The following PRR5L variants were observed in gnomAD, a reference collection of about 807,000 sequenced individuals.
PRR5L encodes proline rich 5 like.
PRR5L carries 21 observed loss-of-function variants against 36.4 expected under a neutral mutation model. The observed-to-expected ratio is 0.58, with a 90% CI of 0.41 to 0.83. PRR5L has a LOEUF of 0.83. PRR5L is among the 40% of genes least tolerant of loss of function. The pLI is 0.00. For synonymous variants in PRR5L, 188 were observed against 197.0 expected, an observed-to-expected ratio of 0.95 and a Z score of 0.38; for missense variants, 381 against 473.3, an observed-to-expected ratio of 0.80 and a Z score of 1.81.
chr11:36,301,442 G>A (rs937763937), intron 1 of PRR5L, among the ~76,000 whole-genome samples: 1 of 152,206 alleles, frequency 6.6e-6, no homozygotes, highest in Admixed American at 6.5e-5. Flanking sequence ...TGGGAATGGG[G>A]AGGGGTTAAG....
At chr11:36,418,688 C>T (rs940284974) in intron 3 of PRR5L, among the ~76,000 whole-genome samples, 3 of 151,826 alleles carry the variant, frequency 2.0e-5, no homozygotes, top group South Asian at 2.1e-4. Context: ...CCCAGCTACT[C>T]GGGAGGCTGA....
Position 36,451,348 on chromosome 11 carries a change from GCT to G in PRR5L, c.712+17_712+18del, listed in dbSNP as rs1223733749. On this transcript the variant is annotated intron_variant, in intron 8 of 8. Coordinates refer to ENST00000530639, the MANE Select transcript of PRR5L (RefSeq NM_001160167.2). ...ACGTACACGCTGGGTAAGGAGTGCA[GCT>G]CTCAAGTTGTCAAGAGGCCCAGTGA... 7 of 1,613,852 alleles carry G rather than the reference GCT, an allele frequency of 4.3e-6. No homozygotes were observed. Among genetic ancestry groups the G allele is most frequent in the Non-Finnish European group, 5.9e-6 (7 of 1,179,908 alleles).
chr11:36,460,070 C>T (rs997390046), intron 8 of PRR5L, among the ~76,000 whole-genome samples: 1 of 152,120 alleles, frequency 6.6e-6, no homozygotes, highest in African/African-American at 2.4e-5. Flanking sequence ...TAGCATTTCC[C>T]AGTTTTTATA....
intron 1 of PRR5L, among the ~76,000 whole-genome samples, chr11:36,397,825 C>T (rs1006841598): frequency 2.7e-5 from 4 of 148,816 alleles, no homozygotes; most frequent in African/African-American, 9.9e-5. Context: ...AGACGAGTTT[C>T]GCTCTTGTTG....
chr11:36,455,922 T>G (rs1377241711), intron 8 of PRR5L, among the ~76,000 whole-genome samples: 1 of 152,182 alleles, frequency 6.6e-6, no homozygotes, highest in East Asian at 1.9e-4. Context: ...CCTGTGGTCC[T>G]GGCTCTGCCC....
At chr11:36,349,121 C>T (rs1856896036) in intron 1 of PRR5L, among the ~76,000 whole-genome samples, 1 of 151,872 alleles carries the variant, frequency 6.6e-6, no homozygotes, top group Admixed American at 6.6e-5. Flanking sequence ...CTGATCTCTA[C>T]TAAAAATACA....
At chr11:36,400,623 T>C (rs1268974141) in intron 1 of PRR5L, among the ~76,000 whole-genome samples, 1 of 152,218 alleles carries the variant, frequency 6.6e-6, no homozygotes, top group African/African-American at 2.4e-5. Context: ...GGAGCTCTTG[T>C]GTCCTCCTTG....
chr11:36,376,228 A>C, intron 1 of PRR5L: 2 of 1,260,650 alleles, frequency 1.6e-6, no homozygotes, highest in African/African-American at 1.6e-5. Flanking sequence ...GAGGAGTGAG[A>C]TGGGGTGAAG....
chr11:36,444,602 A>G (rs775916137), intron 6 of PRR5L, among the ~76,000 whole-genome samples: 2 of 152,220 alleles, frequency 1.3e-5, no homozygotes, highest in African/African-American at 2.4e-5. Context: ...GAATTCCTAA[A>G]TAATCAGTTC....
intron 4 of PRR5L, among the ~76,000 whole-genome samples, chr11:36,422,677 A>G (rs1377447476): frequency 6.6e-6 from 1 of 152,178 alleles, no homozygotes; most frequent in Non-Finnish European, 1.5e-5. Context: ...GGTGAGGCCA[A>G]GAGAAAGCAG....
chr11:36,380,270 A>G (rs1177851232), intron 1 of PRR5L, among the ~76,000 whole-genome samples: 4 of 152,176 alleles, frequency 2.6e-5, no homozygotes, highest in African/African-American at 9.7e-5. Flanking sequence ...AATATAGAGA[A>G]TTACTAGCAT....
chr11:36,407,885 C>T (rs1857943275), intron 3 of PRR5L, among the ~76,000 whole-genome samples: 1 of 152,170 alleles, frequency 6.6e-6, no homozygotes. Context: ...AGCAGATAGA[C>T]TTTGAAGTAA....
intron 1 of PRR5L, among the ~76,000 whole-genome samples, chr11:36,355,594 G>A (rs1243266641): frequency 6.9e-6 from 1 of 145,104 alleles, no homozygotes; most frequent in Non-Finnish European, 1.5e-5. Flanking sequence ...CTGTCACCCA[G>A]TCTGGAGTAC....
Position 36,377,362 on chromosome 11 carries a change from A to T in PRR5L, c.-125-23635A>T, listed in dbSNP as rs1857284613. On this transcript the variant is annotated intron_variant, in intron 1 of 8. Transcript: ENST00000530639. The surrounding 1 kb of genome is among the most constrained non-coding windows in gnomAD (Gnocchi z 5.1). ...TGCGGACCCCGCGCTGGGAGTCCGCAGTATCCCCCTTCCGTTTTATTTCTC... is the reference window on the plus strand; with the variant it reads ...TGCGGACCCCGCGCTGGGAGTCCGCTGTATCCCCCTTCCGTTTTATTTCTC... Among the ~76,000 whole-genome samples, 1 of 152,200 alleles carries T rather than the reference A, an allele frequency of 6.6e-6. No homozygotes were observed. Among genetic ancestry groups the T allele is most frequent in the Non-Finnish European group, 1.5e-5 (1 of 68,028 alleles).
intron 1 of PRR5L, among the ~76,000 whole-genome samples, chr11:36,385,085 A>G (rs1368111246): frequency 6.6e-6 from 1 of 152,220 alleles, no homozygotes; most frequent in Non-Finnish European, 1.5e-5. Flanking sequence ...TCCCACACTT[A>G]AAACTCTTGT....
At position 36,420,834 on chromosome 11, in the gene PRR5L, A is replaced by AACACACACACACAC. The variant is rs58639707; in HGVS notation, c.294+1562_294+1575dup. Among the ~76,000 whole-genome samples, 1,063 of 139,386 alleles carry AACACACACACACAC rather than the reference A, an allele frequency of 7.6e-3. 18 individuals carry two copies. Among genetic ancestry groups the AACACACACACACAC allele is most frequent in the East Asian group, 0.03 (133 of 4,472 alleles). The allele number at this position is 139,386 out of a possible 152,430, so 91.4% of individuals were successfully genotyped here. ...AAAAGAATGACATGTCAGTTGTTTA[A>AACACACACACACAC]ACACACACACACACACACACACACA... is the stretch of plus-strand genomic sequence containing the variant. On this transcript the variant is annotated intron_variant, in intron 4 of 8. Transcript: ENST00000530639.
chr11:36,298,989 C>T (rs1856344403), intron 1 of PRR5L, among the ~76,000 whole-genome samples: 1 of 152,162 alleles, frequency 6.6e-6, no homozygotes, highest in South Asian at 2.1e-4. Flanking sequence ...TTTAAAGGTC[C>T]TGCTTCTAAA....
rs535389280 is a variant in PRR5L, at chr11:36,364,293, T to A, written c.-125-36704T>A. ...TTAAATTAATACACATATTTAACTA[T>A]CCAACTGTGAATGGGACTTGCCTTT... is the stretch of plus-strand genomic sequence containing the variant. On this transcript the variant is annotated intron_variant, in intron 1 of 8. Transcript: ENST00000530639. Among the ~76,000 whole-genome samples, 4 of 152,360 alleles carry A rather than the reference T, an allele frequency of 2.6e-5. No individual in the cohort carries two copies. The South Asian group carries it at 8.3e-4, about 32-fold the overall frequency.
intron 6 of PRR5L, among the ~76,000 whole-genome samples, chr11:36,438,806 G>A (rs1334529109): frequency 6.6e-6 from 1 of 151,986 alleles, no homozygotes; most frequent in East Asian, 1.9e-4. Flanking sequence ...ATGGTGGCTT[G>A]TGTCTGTAGT....
Sources: allele counts gnomAD v4.1 joint callset (sites outside exome capture counted in the v4.1 genomes callset), GRCh38; gene constraint gnomAD v4.1.1; non-coding constraint Gnocchi (gnomAD v3.1); transcripts MANE v1.5; gene names NCBI Gene and HGNC (gene_info 2026-07-23, HGNC 2026-07-21).